The following MAP3K13 variants were observed in gnomAD, a reference collection of about 807,000 sequenced individuals.
MAP3K13 encodes leucine zipper-bearing kinase.
In MAP3K13, 52 loss-of-function variants were observed where a neutral mutation model predicts 104.0. The ratio of observed to expected loss-of-function variants is 0.50; its 90% confidence interval spans 0.40 to 0.63. The LOEUF (loss-of-function observed/expected upper bound fraction) is 0.63. Among genes scored for constraint, MAP3K13 ranks in the 20% least tolerant of loss-of-function variants. The pLI is 0.00. For synonymous variants in MAP3K13, 394 were observed against 442.2 expected, an observed-to-expected ratio of 0.89 and a Z score of 1.37; for missense variants, 914 against 1,218.5, an observed-to-expected ratio of 0.75 and a Z score of 3.72.
rs911679478 is a variant in MAP3K13, at chr3:185,307,582, G to A, written c.-86+21939G>A. ...CCCCGAGATGCAGTCTTACTCTGTC[G>A]CCCAGAGCTGTAGTGCAATGGTGTG... On this transcript the variant is annotated intron_variant, in intron 2 of 14. Transcript: ENST00000424227. Among the ~76,000 whole-genome samples the A allele has an allele frequency of 4.7e-5, 5 of 107,428 alleles. No homozygotes were observed. In the Admixed American group the frequency reaches 7.0e-4, roughly 15 times the overall value. The allele number at this position is 107,428 out of a possible 152,430, so 70.5% of individuals were successfully genotyped here.
chr3:185,369,283 T>C (rs1280495505), intron 1 of MAP3K13, among the ~76,000 whole-genome samples: 1 of 152,216 alleles, frequency 6.6e-6, no homozygotes, highest in Non-Finnish European at 1.5e-5. Context: ...TGTGCGGATA[T>C]TGATTCCTCA....
intron 2 of MAP3K13, among the ~76,000 whole-genome samples, chr3:185,329,769 C>T (rs961211725): frequency 7.9e-5 from 12 of 152,052 alleles, no homozygotes; most frequent in Admixed American, 3.3e-4. Flanking sequence ...ATGTTAAGGT[C>T]GCATGTGGTG....
At chr3:185,435,482 A>G (rs560210027) in intron 2 of MAP3K13, among the ~76,000 whole-genome samples, 1 of 152,356 alleles carries the variant, frequency 6.6e-6, no homozygotes, top group East Asian at 1.9e-4. Flanking sequence ...GATAGTTAAA[A>G]TAGCCAACGC....
intron 2 of MAP3K13, among the ~76,000 whole-genome samples, chr3:185,301,649 G>GACCTTT (rs1363012993): frequency 1.2e-4 from 18 of 152,110 alleles, no homozygotes; most frequent in Non-Finnish European, 2.2e-4. Context: ...AATTTTATAG[G>GACCTTT]ACCTTTGTAT....
intron 7 of MAP3K13, among the ~76,000 whole-genome samples, chr3:185,457,945 C>G (rs540287647): frequency 6.6e-6 from 1 of 152,156 alleles, no homozygotes; most frequent in Non-Finnish European, 1.5e-5. Flanking sequence ...TTACACTAAA[C>G]CTCAGCTTAT....
At chr3:185,313,924 G>A (rs527964602) in intron 2 of MAP3K13, among the ~76,000 whole-genome samples, 21 of 152,266 alleles carry the variant, frequency 1.4e-4, no homozygotes, top group Admixed American at 2.6e-4. Flanking sequence ...ATGCTGCTCT[G>A]GCAATGCCTC....
At chr3:185,309,517 A>C (rs1401612722) in intron 2 of MAP3K13, among the ~76,000 whole-genome samples, 2 of 147,164 alleles carry the variant, frequency 1.4e-5, no homozygotes, top group African/African-American at 2.5e-5. Context: ...TCTCACAAAA[A>C]AAAAAAAAAA....
At chr3:185,455,952 GTATATATATGATATGTATGAGA>G (rs1490537734) in intron 7 of MAP3K13, among the ~76,000 whole-genome samples, 5 of 140,970 alleles carry the variant, frequency 3.5e-5, no homozygotes, top group Admixed American at 2.2e-4. Flanking sequence ...TATATATGAT[GTATATATATGATATGTATGAGA>G]TATATATATG....
At chr3:185,373,425 T>G (rs982254424) in intron 1 of MAP3K13, among the ~76,000 whole-genome samples, 64 of 152,278 alleles carry the variant, frequency 4.2e-4, no homozygotes, top group African/African-American at 1.4e-3. Context: ...GTGGTTCACT[T>G]GAAGTCAGGA....
chr3:185,430,859 T>C (rs1464819039), intron 2 of MAP3K13, among the ~76,000 whole-genome samples: 1 of 152,220 alleles, frequency 6.6e-6, no homozygotes, highest in Non-Finnish European at 1.5e-5. Context: ...TATTAATCCA[T>C]GTTCACACTG....
intron 2 of MAP3K13, among the ~76,000 whole-genome samples, chr3:185,431,686 A>C (rs552672034): frequency 1.3e-5 from 2 of 152,354 alleles, no homozygotes; most frequent in African/African-American, 4.8e-5. Context: ...CATCTCTTTT[A>C]GTCAAGACTG....
chr3:185,391,733 C>CT (rs1031178034), intron 1 of MAP3K13, among the ~76,000 whole-genome samples: 14 of 152,096 alleles, frequency 9.2e-5, no homozygotes, highest in African/African-American at 3.4e-4. Context: ...TTTTCTCCTG[C>CT]TTTTTTCTGT....
At chr3:185,355,726 C>T (rs1014514004) in intron 2 of MAP3K13, among the ~76,000 whole-genome samples, 7 of 152,090 alleles carry the variant, frequency 4.6e-5, no homozygotes, top group Middle Eastern at 3.4e-3. Context: ...AGGAAAAATA[C>T]ACTTTTATAA....
chr3:185,471,175 T>G (rs1239428426), intron 10 of MAP3K13, among the ~76,000 whole-genome samples: 2 of 152,190 alleles, frequency 1.3e-5, no homozygotes, highest in African/African-American at 2.4e-5. Context: ...CTGGATTTTT[T>G]TCTGCTAATG....
chr3:185,384,322 G>GTGTA (rs1247753012), intron 1 of MAP3K13, among the ~76,000 whole-genome samples: 1 of 151,852 alleles, frequency 6.6e-6, no homozygotes, highest in Non-Finnish European at 1.5e-5. Context: ...GTGTGTGTGT[G>GTGTA]TGTGTGTGTG....
At chr3:185,471,459 TTTTTTTTTTTTTTTTTTGAGATGGAG>T (rs1717783616) in intron 10 of MAP3K13, among the ~76,000 whole-genome samples, 1 of 94,554 alleles carries the variant, frequency 1.1e-5, no homozygotes. Flanking sequence ...TACTTTTTTT[TTTTTTTTTTTTTTTTTTGAGATGGAG>T]TCTCACTCTT....
chr3:185,449,564 T>C (rs987881399), intron 5 of MAP3K13, among the ~76,000 whole-genome samples: 1 of 152,116 alleles, frequency 6.6e-6, no homozygotes, highest in Middle Eastern at 3.2e-3. Context: ...AACTAATCAA[T>C]TTTTCCCCAC....
intron 2 of MAP3K13, among the ~76,000 whole-genome samples, chr3:185,309,590 T>G (rs1560042444): frequency 6.6e-6 from 1 of 152,026 alleles, no homozygotes; most frequent in Admixed American, 6.5e-5. Context: ...AGCCACTCTT[T>G]AGCGATACAT....
At chr3:185,399,669 A>G (rs200591099) in intron 1 of MAP3K13, among the ~76,000 whole-genome samples, 1,006 of 37,046 alleles carry the variant, frequency 0.027, 179 homozygotes, top group East Asian at 0.12. Context: ...GAGGGAAGGA[A>G]GGAAGGAAGG....
Sources: allele counts gnomAD v4.1 joint callset (sites outside exome capture counted in the v4.1 genomes callset), GRCh38; gene constraint gnomAD v4.1.1; transcripts MANE v1.5; gene names NCBI Gene and HGNC (gene_info 2026-07-23, HGNC 2026-07-21).